The following GMDS variants were observed in gnomAD, a reference collection of about 807,000 sequenced individuals.
GMDS encodes GDP-mannose 4,6-dehydratase, also known as GDP-mannose 4,6 dehydratase.
In GMDS, 20 loss-of-function variants were observed where a neutral mutation model predicts 49.9. That is an observed-to-expected ratio of 0.40 (90% CI 0.28 to 0.58). GMDS has a LOEUF of 0.58. Among genes scored for constraint, GMDS ranks in the 20% least tolerant of loss-of-function variants. The pLI, the probability that GMDS is intolerant of heterozygous loss-of-function variation, is 0.42. For synonymous variants in GMDS, 177 were observed against 178.6 expected (o/e 0.99, Z 0.07); for missense variants, 362 against 481.4 (o/e 0.75, Z 2.32).
chr6:1,862,441 T>G (rs145367500), intron 7 of GMDS, among the ~76,000 whole-genome samples: 35 of 152,354 alleles, frequency 2.3e-4, no homozygotes, highest in Non-Finnish European at 4.6e-4. Context: ...ACCACTGCTT[T>G]ACTCAATGCT....
At chr6:2,212,756 C>G (rs989672390) in intron 1 of GMDS, among the ~76,000 whole-genome samples, 1 of 144,470 alleles carries the variant, frequency 6.9e-6, no homozygotes, top group Non-Finnish European at 1.5e-5. Context: ...GAGCTTACTA[C>G]TTGAAAACAA....
At chr6:1,916,533 TGAAA>T (rs1761409015) in intron 7 of GMDS, among the ~76,000 whole-genome samples, 1 of 141,122 alleles carries the variant, frequency 7.1e-6, no homozygotes, top group Non-Finnish European at 1.6e-5. Flanking sequence ...GAAAGGAGAG[TGAAA>T]GAAAGAGAGA....
chr6:2,206,612 T>C (rs1428774969), intron 1 of GMDS, among the ~76,000 whole-genome samples: 2 of 152,176 alleles, frequency 1.3e-5, no homozygotes, highest in Non-Finnish European at 2.9e-5. Flanking sequence ...CCACTTTGAG[T>C]ATCAAGATGC....
chr6:1,707,327 T>G (rs1765774709), intron 9 of GMDS, among the ~76,000 whole-genome samples: 1 of 152,240 alleles, frequency 6.6e-6, no homozygotes, highest in South Asian at 2.1e-4. Flanking sequence ...TTTAAAAATA[T>G]CTATCTGTTG....
At chr6:1,814,089 T>A (rs1024406990) in intron 7 of GMDS, among the ~76,000 whole-genome samples, 1 of 152,200 alleles carries the variant, frequency 6.6e-6, no homozygotes, top group Non-Finnish European at 1.5e-5. Flanking sequence ...GATTCTGACA[T>A]GTTGATAAGA....
In GMDS at chr6:1,701,868, T is replaced by G. The variant is rs949485974; in HGVS notation, c.987+24548A>C. The stretch of plus-strand genomic sequence containing the variant: ...TGATGACAGGTATGACAATTTTATA[T>G]GGAATGAAACATGTTCTGATTCAAA... On this transcript the variant is annotated intron_variant, in intron 9 of 10. Transcript: ENST00000380815. Among the ~76,000 whole-genome samples the G allele has an allele frequency of 3.3e-5, 5 of 152,246 alleles. No homozygotes were observed. In the South Asian group the frequency reaches 1.0e-3, roughly 31 times the overall value.
chr6:1,624,115 C>T lies in GMDS; in HGVS notation c.*54G>A, dbSNP rs894939211. 128 of 1,521,746 alleles carry T rather than the reference C, an allele frequency of 8.4e-5. No individual in the cohort carries two copies. Among genetic ancestry groups the T allele is most frequent in the Middle Eastern group, 1.7e-4 (1 of 5,914 alleles). The allele number at this position is 1,521,746 out of a possible 1,614,324, so 94.3% of individuals were successfully genotyped here. ...CCCCATCCCCGCAGCGCGTCTGCAC[C>T]GGAGACTCTGCGGGGATTGTAGCCG... On this transcript the variant is annotated 3_prime_UTR_variant, in exon 11 of 11. Transcript: ENST00000380815.
chr6:1,759,922 C>T (rs998090758), intron 7 of GMDS, among the ~76,000 whole-genome samples: 9 of 151,516 alleles, frequency 5.9e-5, no homozygotes, highest in Admixed American at 5.9e-4. Context: ...CAACACCCTT[C>T]GGTTTCCATG....
At chr6:1,937,259 A>G (rs900742225) in intron 6 of GMDS, among the ~76,000 whole-genome samples, 21 of 152,186 alleles carry the variant, frequency 1.4e-4, no homozygotes, top group Admixed American at 2.6e-4. Context: ...TCCGTGACGC[A>G]TGACTGTAGG....
chr6:2,215,241 A>G (rs1780270974), intron 1 of GMDS, among the ~76,000 whole-genome samples: 1 of 152,200 alleles, frequency 6.6e-6, no homozygotes, highest in Non-Finnish European at 1.5e-5. Context: ...AGAGACACAG[A>G]GAAAAAGAGA....
chr6:2,223,469 GA>G (rs397732486), intron 1 of GMDS, among the ~76,000 whole-genome samples: 5 of 148,568 alleles, frequency 3.4e-5, no homozygotes, highest in South Asian at 2.1e-4. Flanking sequence ...CAAATGAATG[GA>G]AAAAAAAAAG....
At chr6:2,038,506 C>T (rs1246496748) in intron 4 of GMDS, among the ~76,000 whole-genome samples, 2 of 152,120 alleles carry the variant, frequency 1.3e-5, no homozygotes. Flanking sequence ...CTTCAGCTAG[C>T]AGCAAGACCC....
chr6:2,141,099 G>A (rs188028749), intron 1 of GMDS, among the ~76,000 whole-genome samples: 11 of 152,302 alleles, frequency 7.2e-5, no homozygotes, highest in East Asian at 1.9e-4. Context: ...TCAAGTAAAC[G>A]AAAGGCTAAA....
At chr6:1,933,568 A>G (rs912198502) in intron 6 of GMDS, among the ~76,000 whole-genome samples, 1 of 152,212 alleles carries the variant, frequency 6.6e-6, no homozygotes, top group African/African-American at 2.4e-5. Context: ...GCTAGTTGGC[A>G]CCGAGTGGTA....
chr6:2,067,553 A>T (rs1376929207), intron 4 of GMDS, among the ~76,000 whole-genome samples: 1 of 152,178 alleles, frequency 6.6e-6, no homozygotes, highest in Non-Finnish European at 1.5e-5. Flanking sequence ...GAAGAATCAA[A>T]TAGACACAAT....
At chr6:2,104,084 T>G (rs1774082426) in intron 4 of GMDS, among the ~76,000 whole-genome samples, 1 of 152,244 alleles carries the variant, frequency 6.6e-6, no homozygotes. Context: ...AACTCCACAG[T>G]GCCCGCAGGC....
chr6:2,163,127 G>A (rs1009490887), intron 1 of GMDS, among the ~76,000 whole-genome samples: 2 of 152,144 alleles, frequency 1.3e-5, no homozygotes, highest in Non-Finnish European at 2.9e-5. Context: ...ATGTGCCTAG[G>A]AGGCTACTTT....
At chr6:2,004,619 T>A (rs1767042643) in intron 4 of GMDS, among the ~76,000 whole-genome samples, 2 of 152,162 alleles carry the variant, frequency 1.3e-5, no homozygotes, top group African/African-American at 4.8e-5. Context: ...CTCAATATTC[T>A]TACTGACAGA....
intron 7 of GMDS, among the ~76,000 whole-genome samples, chr6:1,917,505 G>A (rs1761465140): frequency 6.6e-6 from 1 of 152,178 alleles, no homozygotes; most frequent in African/African-American, 2.4e-5. Flanking sequence ...GAATAGAATA[G>A]GACAATCTTC....
Sources: allele counts gnomAD v4.1 joint callset (sites outside exome capture counted in the v4.1 genomes callset), GRCh38; gene constraint gnomAD v4.1.1; transcripts MANE v1.5; gene names NCBI Gene and HGNC (gene_info 2026-07-23, HGNC 2026-07-21).